The following HDAC4 variants were observed in gnomAD, a reference collection of about 807,000 sequenced individuals.
HDAC4 encodes histone deacetylase A.
In HDAC4, 16 loss-of-function variants were observed where a neutral mutation model predicts 135.1. That is an observed-to-expected ratio of 0.12 (90% CI 0.08 to 0.18). HDAC4 has a LOEUF of 0.18. Ranked by LOEUF, HDAC4 falls within the 10% of genes least tolerant of loss-of-function variation. HDAC4 has a pLI of 1.00. For missense variants in HDAC4, 1,143 were observed against 1,511.8 expected, an observed-to-expected ratio of 0.76 and a Z score of 4.05; for synonymous variants, 685 against 653.4, an observed-to-expected ratio of 1.05 and a Z score of -0.74.
intron 1 of HDAC4, among the ~76,000 whole-genome samples, chr2:239,373,652 TGG>T (rs1694792747): frequency 1.3e-5 from 2 of 152,130 alleles, no homozygotes; most frequent in Admixed American, 1.3e-4. Flanking sequence ...TTGGTAGAGA[TGG>T]GGTTTCACCA....
chr2:239,161,662 C>G (rs2042800460), intron 6 of HDAC4: 1 of 279,054 alleles, frequency 3.6e-6, no homozygotes, highest in Non-Finnish European at 7.2e-6. Flanking sequence ...GCCTGAAGGT[C>G]CCCAGAGCCC....
At chr2:239,203,809 T>C (rs1391398631) in intron 3 of HDAC4, among the ~76,000 whole-genome samples, 1 of 152,134 alleles carries the variant, frequency 6.6e-6, no homozygotes, top group Non-Finnish European at 1.5e-5. Flanking sequence ...TGCGAGGTAC[T>C]AACACAGACA....
At chr2:239,097,303 G>A (rs901079564) in intron 16 of HDAC4, among the ~76,000 whole-genome samples, 1 of 152,198 alleles carries the variant, frequency 6.6e-6, no homozygotes, top group African/African-American at 2.4e-5. Flanking sequence ...GGCATGCCTC[G>A]GCCTCTGGGT....
intron 2 of HDAC4, among the ~76,000 whole-genome samples, chr2:239,343,539 C>T (rs1231348536): frequency 1.3e-5 from 2 of 152,266 alleles, no homozygotes; most frequent in African/African-American, 4.8e-5. Flanking sequence ...GGGAGGCCCA[C>T]CAACCCTCCT....
At chr2:239,339,924 G>A (rs1215710542) in intron 2 of HDAC4, among the ~76,000 whole-genome samples, 2 of 152,182 alleles carry the variant, frequency 1.3e-5, no homozygotes, top group Non-Finnish European at 2.9e-5. Flanking sequence ...GCTCAGGCCA[G>A]GGCCACCGGC....
At chr2:239,202,246 T>C (rs2045799907) in intron 3 of HDAC4, among the ~76,000 whole-genome samples, 1 of 152,162 alleles carries the variant, frequency 6.6e-6, no homozygotes, top group South Asian at 2.1e-4. Context: ...GACTGCAGGA[T>C]GGTATTTGTC....
In HDAC4 at chr2:239,134,241, T is replaced by TCACCTGTGACGAGGGGTGCTTGTGCC; in HGVS notation, c.1272_1294+3dup. 6.2e-7 allele frequency: 1 copy of TCACCTGTGACGAGGGGTGCTTGTGCC among 1,608,878 alleles called. No individual in the cohort carries two copies. Among genetic ancestry groups the TCACCTGTGACGAGGGGTGCTTGTGCC allele is most frequent in the Non-Finnish European group, 8.5e-7 (1 of 1,179,476 alleles). ...TGGCTGCACCCAGGCCCATTTGTGC[T>TCACCTGTGACGAGGGGTGCTTGTGCC]CACCTGTGACGAGGGGTGCTTGTGC... On this transcript the variant is annotated splice_donor_region_variant and intron_variant, in intron 11 of 26. Coordinates refer to ENST00000543185, the MANE Select transcript of HDAC4 (RefSeq NM_001378414.1).
At chr2:239,193,747 G>A (rs897441991) in intron 3 of HDAC4, among the ~76,000 whole-genome samples, 5 of 152,248 alleles carry the variant, frequency 3.3e-5, no homozygotes, top group African/African-American at 7.2e-5. Flanking sequence ...TGGGGAAGGC[G>A]GGGCAGGCTC....
chr2:239,266,909 G>A (rs372017761), intron 2 of HDAC4, among the ~76,000 whole-genome samples: 1 of 152,070 alleles, frequency 6.6e-6, no homozygotes, highest in Non-Finnish European at 1.5e-5. Flanking sequence ...CATTAGTTTC[G>A]TCTCCCCCAG....
intron 2 of HDAC4, among the ~76,000 whole-genome samples, chr2:239,328,800 CAG>C (rs1364370185): frequency 1.3e-5 from 2 of 152,208 alleles, no homozygotes; most frequent in Non-Finnish European, 2.9e-5. Flanking sequence ...GCCCGGAGCT[CAG>C]AGGGCAGGCC....
At chr2:239,197,389 C>A (rs1297081301) in intron 3 of HDAC4, among the ~76,000 whole-genome samples, 1 of 152,204 alleles carries the variant, frequency 6.6e-6, no homozygotes, top group Non-Finnish European at 1.5e-5. Flanking sequence ...CCCAGCGTTC[C>A]GAAATTTCGA....
chr2:239,365,818 TG>T (rs1472728672), intron 1 of HDAC4, among the ~76,000 whole-genome samples: 3 of 145,576 alleles, frequency 2.1e-5, no homozygotes, highest in South Asian at 4.4e-4. Context: ...CGTGTGGCAC[TG>T]GGGGACACAC....
chr2:239,194,190 C>T (rs2045209158), intron 3 of HDAC4, among the ~76,000 whole-genome samples: 1 of 152,172 alleles, frequency 6.6e-6, no homozygotes, highest in African/African-American at 2.4e-5. Context: ...AGAATTGCTC[C>T]CTGGATGTAG....
chr2:239,134,094 C>T, intron 11 of HDAC4, 151 bp downstream of exon 11: 1 of 691,998 alleles, frequency 1.4e-6, no homozygotes, highest in African/African-American at 1.8e-5. Context: ...GTCACGGTGG[C>T]TACATCACGT....
chr2:239,145,926 T>C (rs1311435058), intron 7 of HDAC4, among the ~76,000 whole-genome samples: 1 of 152,148 alleles, frequency 6.6e-6, no homozygotes, highest in Non-Finnish European at 1.5e-5. Context: ...CAGGGACAGT[T>C]TTTCTGCAGG....
chr2:239,158,560 G>C (rs1187482119), intron 6 of HDAC4, among the ~76,000 whole-genome samples: 2 of 151,990 alleles, frequency 1.3e-5, no homozygotes, highest in Non-Finnish European at 2.9e-5. Flanking sequence ...ACCTTAAAAC[G>C]AGCAGAGCAG....
chr2:239,247,909 C>G (rs181983639), intron 2 of HDAC4, among the ~76,000 whole-genome samples: 165 of 152,266 alleles, frequency 1.1e-3, no homozygotes, highest in Admixed American at 1.8e-3. Context: ...CTGAAAGCAC[C>G]GCTCATTCTC....
intron 19 of HDAC4, among the ~76,000 whole-genome samples, chr2:239,086,344 TAC>T (rs1291704283): frequency 7.0e-6 from 1 of 142,544 alleles, no homozygotes; most frequent in Non-Finnish European, 1.5e-5. Context: ...ATCTCGCACG[TAC>T]AGTCTCCTCC....
rs1370301598 is a variant in HDAC4 at position 239,400,060 on chromosome 2, T to C, written c.-220+918A>G. Among the ~76,000 whole-genome samples, 2 of 152,040 alleles carry C rather than the reference T, an allele frequency of 1.3e-5. No homozygotes were observed. The highest frequency in any genetic ancestry group is 2.9e-5 in the Non-Finnish European group (2 of 68,016). On this transcript the variant is annotated intron_variant, in intron 1 of 26. Coordinates refer to ENST00000543185, the MANE Select transcript of HDAC4 (RefSeq NM_001378414.1). The surrounding 1 kb of genome is among the most constrained non-coding windows in gnomAD (Gnocchi z 4.7). ...CAAATAATTCAACGCTCAATGTAAATACGAGATAATTTGCTTATGATTCCG... is the reference window on the plus strand; with the variant it reads ...CAAATAATTCAACGCTCAATGTAAACACGAGATAATTTGCTTATGATTCCG...
Sources: gnomAD v4.1 joint callset for allele counts (sites outside exome capture counted in the v4.1 genomes callset) on GRCh38, gnomAD v4.1.1 for gene constraint, Gnocchi (gnomAD v3.1) non-coding constraint, MANE v1.5 for transcripts, NCBI Gene and HGNC (gene_info 2026-07-23, HGNC 2026-07-21) for gene names.